The following C19orf47 variants were observed in gnomAD, a reference collection of about 807,000 sequenced individuals.
C19orf47 encodes uncharacterized protein C19orf47.
C19orf47 carries 18 observed loss-of-function variants against 32.3 expected under a neutral mutation model. That is an observed-to-expected ratio of 0.56 (90% confidence interval 0.39 to 0.83). The LOEUF (loss-of-function observed/expected upper bound fraction) is 0.83, where lower values mean the gene tolerates loss of function less well. Ranked by LOEUF, C19orf47 falls within the 40% of genes least tolerant of loss-of-function variation. C19orf47 has a pLI of 0.00. For missense variants in C19orf47, 484 were observed against 531.6 expected (o/e 0.91, Z 0.88); for synonymous variants, 202 against 211.1 (o/e 0.96, Z 0.37).
the C19orf47 span, among the ~76,000 whole-genome samples, chr19:40,313,229 G>C: frequency 6.6e-6 from 1 of 152,120 alleles, no homozygotes; most frequent in Non-Finnish European, 1.5e-5. Context: ...GGTGCACAAT[G>C]GTCTTATTTC....
chr19:40,338,837 G>C (rs570208092), intron 2 of C19orf47, among the ~76,000 whole-genome samples: 1 of 152,320 alleles, frequency 6.6e-6, no homozygotes, highest in South Asian at 2.1e-4. Flanking sequence ...GGTTTCAAGA[G>C]AGAGTGATAA....
At chr19:40,348,279 C>G (rs1457141472) in intron 1 of C19orf47, 45 bp downstream of exon 1, 1 of 1,283,080 alleles carries the variant, frequency 7.8e-7, no homozygotes, top group African/African-American at 1.6e-5. Context: ...CCACCCGTCC[C>G]TACCGCAACC....
At chr19:40,335,300 T>TGAGCCAGGTTGC (rs1243505811) in intron 4 of C19orf47, among the ~76,000 whole-genome samples, 1 of 152,194 alleles carries the variant, frequency 6.6e-6, no homozygotes, top group East Asian at 1.9e-4. Flanking sequence ...GTCCAGGTTG[T>TGAGCCAGGTTGC]GAGCCAGGTT....
the C19orf47 span, among the ~76,000 whole-genome samples, chr19:40,306,875 G>GC: frequency 1.4e-5 from 2 of 145,254 alleles, no homozygotes; most frequent in South Asian, 2.2e-4. Context: ...TGCAGGCTCC[G>GC]CCCCCCGGGG....
chr19:40,321,110 G>A lies in C19orf47; in HGVS notation c.*772C>T, dbSNP rs1287995900. On this transcript the variant is annotated 3_prime_UTR_variant, in exon 9 of 9. Transcript: ENST00000683109. ...TAAAACAGCAGCTGTCTTCACTCTA[G>A]GCACTGGCCTCCCTTCCCAGTGCCC... 1.0e-5 allele frequency: 4 copies of A among 393,084 alleles called. No individual in the cohort carries two copies. The highest frequency in any genetic ancestry group is 1.1e-4 in the South Asian group (1 of 9,410). The allele number at this position is 393,084 out of a possible 1,614,324, so 24.3% of individuals were successfully genotyped here.
At position 40,336,305 on chromosome 19, in the gene C19orf47, GT is replaced by G; in HGVS notation, c.107+14del. On this transcript the variant is annotated intron_variant, in intron 3 of 8. Coordinates refer to ENST00000683109, the MANE Select transcript of C19orf47 (RefSeq NM_001256441.2). ...CAGCTCCCCACCACCCCATCCCCAA[GT>G]TCAGCCTCCTCACCTATTATCCACA... is the stretch of plus-strand genomic sequence containing the variant. 1 of 1,614,098 alleles carries G rather than the reference GT, an allele frequency of 6.2e-7. No homozygotes were observed. Among genetic ancestry groups the G allele is most frequent in the Non-Finnish European group, 8.5e-7 (1 of 1,179,970 alleles).
the C19orf47 span, among the ~76,000 whole-genome samples, chr19:40,293,616 C>T: frequency 3.1e-3 from 468 of 151,944 alleles, 3 homozygotes; most frequent in Non-Finnish European, 4.4e-3. Context: ...CAGGCAAGTG[C>T]CACCACACCA....
chr19:40,304,090 T>A, the C19orf47 span, among the ~76,000 whole-genome samples: 1 of 152,182 alleles, frequency 6.6e-6, no homozygotes, highest in African/African-American at 2.4e-5. Context: ...CACCACCTCC[T>A]GGAATGAGAC....
At chr19:40,332,943 T>C (rs1207790776) in intron 5 of C19orf47, among the ~76,000 whole-genome samples, 1 of 152,162 alleles carries the variant, frequency 6.6e-6, no homozygotes, top group African/African-American at 2.4e-5. Context: ...TTCACATTTT[T>C]GTTGGTGATT....
intron 2 of C19orf47, among the ~76,000 whole-genome samples, chr19:40,337,889 T>C (rs1458088098): frequency 6.6e-6 from 1 of 152,160 alleles, no homozygotes; most frequent in Non-Finnish European, 1.5e-5. Flanking sequence ...CCCTATGTTG[T>C]GCAGGCACCA....
chr19:40,332,038 C>CAA (rs781472516), intron 5 of C19orf47, among the ~76,000 whole-genome samples: 4 of 105,306 alleles, frequency 3.8e-5, no homozygotes, highest in Non-Finnish European at 6.1e-5. Context: ...AACTCCATCT[C>CAA]AAAAAAAAAA....
chr19:40,330,927 G>A (rs1422290820), intron 5 of C19orf47, among the ~76,000 whole-genome samples: 2 of 152,186 alleles, frequency 1.3e-5, no homozygotes. Context: ...CTGGGAGGGG[G>A]CACAGGGGGA....
chr19:40,321,156 C>CT lies in C19orf47; in HGVS notation c.*725_*726insA, dbSNP rs777474167. The CT allele has an allele frequency of 3.6e-5, 32 of 882,570 alleles. No individual in the cohort carries two copies. The highest frequency in any genetic ancestry group is 4.1e-5 in the Non-Finnish European group (30 of 734,994). The allele number at this position is 882,570 out of a possible 1,614,324, so 54.7% of individuals were successfully genotyped here. On this transcript the variant is annotated 3_prime_UTR_variant, in exon 9 of 9. Coordinates refer to ENST00000683109, the MANE Select transcript of C19orf47 (RefSeq NM_001256441.2). ...TGCCCCTTGCCCACCACCCGCCATACACTTTCAGAGACAGATGCCCAGGGC... is the reference window on the plus strand; with the variant it reads ...TGCCCCTTGCCCACCACCCGCCATACTACTTTCAGAGACAGATGCCCAGGGC...
At chr19:40,296,415 G>C in the C19orf47 span, among the ~76,000 whole-genome samples, 6 of 151,942 alleles carry the variant, frequency 3.9e-5, no homozygotes, top group Non-Finnish European at 8.8e-5. Context: ...CGAGTAGCTG[G>C]GATTACAGGT....
the C19orf47 span, among the ~76,000 whole-genome samples, chr19:40,302,638 G>A: frequency 7.2e-5 from 11 of 152,230 alleles, no homozygotes; most frequent in Non-Finnish European, 1.6e-4. Context: ...GGGGGTGACT[G>A]TACAAAGAAA....
At chr19:40,335,127 T>C (rs866153551) in intron 4 of C19orf47, among the ~76,000 whole-genome samples, 39 of 152,156 alleles carry the variant, frequency 2.6e-4, no homozygotes, top group African/African-American at 8.7e-4. Context: ...AGCTATTATA[T>C]TAATCACTTA....
intron 2 of C19orf47, 179 bp downstream of exon 2, chr19:40,341,660 A>G (rs2078179867): frequency 1.2e-6 from 1 of 811,748 alleles, no homozygotes. Context: ...AGAGAGATCC[A>G]GTGATGAGGC....
intron 1 of C19orf47, among the ~76,000 whole-genome samples, chr19:40,344,535 G>A (rs954710652): frequency 3.9e-5 from 6 of 152,048 alleles, no homozygotes; most frequent in African/African-American, 9.7e-5. Context: ...AGAACAGCAC[G>A]GAGAGGTCTC....
chr19:40,326,686 C>T (rs2077838187), intron 6 of C19orf47, among the ~76,000 whole-genome samples, 200 bp from the exon 7 acceptor site: 1 of 152,164 alleles, frequency 6.6e-6, no homozygotes. Flanking sequence ...TGCTCAGAAT[C>T]CCCAGGCTGT....
Sources: allele counts gnomAD v4.1 joint callset (sites outside exome capture counted in the v4.1 genomes callset), GRCh38; gene constraint gnomAD v4.1.1; transcripts MANE v1.5; gene names NCBI Gene and HGNC (gene_info 2026-07-23, HGNC 2026-07-21).